TNIP3: variants seen among roughly 807,000 people sequenced by gnomAD.
TNIP3 encodes TNFAIP3 interacting protein 3, also known as TNFAIP3-interacting protein 3.
In TNIP3, 34 loss-of-function variants were observed where a neutral mutation model predicts 54.1. The ratio of observed to expected loss-of-function variants is 0.63; its 90% CI spans 0.48 to 0.84. The LOEUF (loss-of-function observed/expected upper bound fraction) is 0.84. Ranked by LOEUF, TNIP3 falls within the 40% of genes least tolerant of loss-of-function variation. The pLI is 0.00. For synonymous variants in TNIP3, 134 were observed against 136.8 expected (o/e 0.98, Z 0.14); for missense variants, 366 against 387.6 (o/e 0.94, Z 0.47).
chr4:121,144,692 G>T (rs143796970), intron 7 of TNIP3, among the ~76,000 whole-genome samples: 2 of 152,322 alleles, frequency 1.3e-5, no homozygotes, highest in Non-Finnish European at 2.9e-5. Context: ...ATGAGTCACC[G>T]CACCCGGCCT....
chr4:121,213,600 G>A lies in TNIP3; in HGVS notation c.68+2815C>T, dbSNP rs184474410. ...AAATTAGCCGGGCGTGGTGGCGGGC[G>A]CCTGTAGTCCCAGCTACTAGGGAGG... On this transcript the variant is annotated intron_variant, in intron 2 of 12. Transcript: ENST00000507879. 6.7e-4 allele frequency among the ~76,000 whole-genome samples: 101 copies of A among 151,710 alleles called. No homozygotes were observed. In the East Asian group the frequency reaches 0.012, roughly 19 times the overall value.
intron 2 of TNIP3, among the ~76,000 whole-genome samples, chr4:121,212,671 T>G (rs1221303125): frequency 2.0e-5 from 3 of 152,230 alleles, no homozygotes; most frequent in African/African-American, 7.2e-5. Flanking sequence ...TAAGGTTCTC[T>G]TCTACTTAAC....
chr4:121,191,362 T>C (rs1181428302), intron 2 of TNIP3, among the ~76,000 whole-genome samples: 1 of 152,202 alleles, frequency 6.6e-6, no homozygotes, highest in Non-Finnish European at 1.5e-5. Flanking sequence ...CAGGTGGGTT[T>C]ATTGATAAAC....
intron 2 of TNIP3, among the ~76,000 whole-genome samples, chr4:121,203,999 G>A (rs1312789022): frequency 2.0e-5 from 3 of 149,260 alleles, no homozygotes; most frequent in South Asian, 2.1e-4. Flanking sequence ...AACAAATATT[G>A]TATTATATAT....
chr4:121,183,562 G>C (rs752274893), intron 2 of TNIP3, among the ~76,000 whole-genome samples: 1 of 152,206 alleles, frequency 6.6e-6, no homozygotes, highest in Non-Finnish European at 1.5e-5. Flanking sequence ...AGCAGGAAGC[G>C]AGAGGCAGGC....
chr4:121,133,395 A>G (rs1728591282), intron 10 of TNIP3, among the ~76,000 whole-genome samples: 1 of 152,202 alleles, frequency 6.6e-6, no homozygotes, highest in African/African-American at 2.4e-5. Flanking sequence ...TCCAGGCTGA[A>G]AAATTATGTT....
At chr4:121,187,954 A>G (rs1421337044) in intron 2 of TNIP3, among the ~76,000 whole-genome samples, 2 of 151,988 alleles carry the variant, frequency 1.3e-5, no homozygotes, top group Non-Finnish European at 2.9e-5. Flanking sequence ...CTTTTTTTTA[A>G]CCATCCAGGA....
intron 3 of TNIP3, among the ~76,000 whole-genome samples, chr4:121,157,933 T>C (rs1730214463): frequency 6.6e-6 from 1 of 152,180 alleles, no homozygotes; most frequent in Non-Finnish European, 1.5e-5. Context: ...TGCCTGACCA[T>C]TGCCTGGTGC....
intron 2 of TNIP3, among the ~76,000 whole-genome samples, chr4:121,191,569 C>A (rs1725312996): frequency 6.6e-6 from 1 of 152,178 alleles, no homozygotes; most frequent in African/African-American, 2.4e-5. Context: ...CATCCTGTGT[C>A]AACTATAGTT....
In TNIP3 at chr4:121,216,202, A is replaced by G. The variant is rs1469933767; in HGVS notation, c.68+213T>C. 2.6e-5 allele frequency among the ~76,000 whole-genome samples: 4 copies of G among 152,202 alleles called. No homozygotes were observed. The East Asian group carries it at 7.7e-4, about 29-fold the overall frequency. Reference sequence around the variant, plus strand: ...AATCAAATTATCTTCATAACCTACCATGACTTTTGCCCTCTGGATAGCAAT... The same window carrying G: ...AATCAAATTATCTTCATAACCTACCGTGACTTTTGCCCTCTGGATAGCAAT... On this transcript the variant is annotated intron_variant, in intron 2 of 12. Transcript: ENST00000507879.
intron 3 of TNIP3, among the ~76,000 whole-genome samples, chr4:121,181,616 A>G (rs1724703136): frequency 8.2e-6 from 1 of 122,390 alleles, no homozygotes; most frequent in South Asian, 3.0e-4. Context: ...GGGTAAGTTA[A>G]TAAGACAGGT....
chr4:121,137,944 T>G, intron 10 of TNIP3: 1 of 456,092 alleles, frequency 2.2e-6, no homozygotes. Flanking sequence ...TGATTATAGC[T>G]CAGTTTATAC....
intron 10 of TNIP3, 128 bp from the exon 11 acceptor site, chr4:121,132,790 TC>T: frequency 1.4e-6 from 1 of 740,254 alleles, no homozygotes; most frequent in Non-Finnish European, 2.2e-6. Context: ...ATTCATAAGC[TC>T]CCCACAAGTT....
At chr4:121,218,587 T>C (rs1157978890), upstream of TNIP3, among the ~76,000 whole-genome samples, 5 of 149,060 alleles carry the variant, frequency 3.4e-5, no homozygotes, top group African/African-American at 1.2e-4. Context: ...TCTGCCTCCC[T>C]CCCTTCCTTC....
chr4:121,158,555 C>A, intron 3 of TNIP3, 132 bp downstream of exon 3: 2 of 736,370 alleles, frequency 2.7e-6, no homozygotes, highest in South Asian at 1.6e-5. Context: ...CACTTAGCAC[C>A]CTTCCCGTCA....
Position 121,157,115 on chromosome 4 carries a change from C to G in TNIP3, c.342G>C (p.Arg114=), listed in dbSNP as rs751488979. 1.9e-6 allele frequency: 3 copies of G among 1,614,156 alleles called. No homozygotes were observed. Among genetic ancestry groups the G allele is most frequent in the South Asian group, 2.2e-5 (2 of 91,076 alleles). ...CCACCTCCTCCCGCTGCAGCCGGTC[C>G]CGGGTCAGGTCGCGCTGCCTGTCGT... ...REDDRQRDLT[R]DRLQREEKEK... The change falls in exon 4 of 11, where the codon CGG becomes CGC. Residue 114 remains arginine, a synonymous_variant. Coordinates refer to ENST00000057513, the MANE Select transcript of TNIP3 (RefSeq NM_024873.6).
chr4:121,216,316 T>A, intron 2 of TNIP3: 1 of 1,031,080 alleles, frequency 9.7e-7, no homozygotes, highest in Non-Finnish European at 1.4e-6. Flanking sequence ...AGACAGCTTC[T>A]CTTCTACTCT....
At chr4:121,133,216 GA>G (rs1228374408) in intron 10 of TNIP3, among the ~76,000 whole-genome samples, 3 of 152,060 alleles carry the variant, frequency 2.0e-5, no homozygotes, top group Non-Finnish European at 4.4e-5. Flanking sequence ...ATGGCAACAG[GA>G]AAAAATAATC....
At chr4:121,146,814 TA>T (rs905196580) in intron 7 of TNIP3, among the ~76,000 whole-genome samples, 8 of 151,986 alleles carry the variant, frequency 5.3e-5, no homozygotes, top group African/African-American at 1.7e-4. Context: ...TGTATTTTAT[TA>T]AAAAAAACTT....
Sources: allele counts gnomAD v4.1 joint callset (sites outside exome capture counted in the v4.1 genomes callset), GRCh38; gene constraint gnomAD v4.1.1; transcripts MANE v1.5; gene names NCBI Gene and HGNC (gene_info 2026-07-23, HGNC 2026-07-21).